The following ZC3H7A variants were observed in gnomAD, a reference collection of about 807,000 sequenced individuals.
The protein encoded by ZC3H7A is zinc finger CCCH-type containing 7A, also known as zinc finger CCCH domain-containing protein 7A.
Under a neutral mutation model 125.5 loss-of-function variants are expected in ZC3H7A, and 44 were observed. That is an observed-to-expected ratio of 0.35 (90% CI 0.28 to 0.45). ZC3H7A has a LOEUF of 0.45. Ranked by LOEUF, ZC3H7A falls within the 20% of genes least tolerant of loss-of-function variation. The probability of loss-of-function intolerance (pLI) is 1.00; values close to 1 mark genes in which losing one functional copy is unlikely to be tolerated. For synonymous variants in ZC3H7A, 399 were observed against 391.2 expected, an observed-to-expected ratio of 1.02 and a Z score of -0.23; for missense variants, 977 against 1,170.7, an observed-to-expected ratio of 0.83 and a Z score of 2.41.
intron 20 of ZC3H7A, among the ~76,000 whole-genome samples, chr16:11,757,330 A>G (rs1476522827): frequency 6.6e-6 from 1 of 151,728 alleles, no homozygotes; most frequent in Non-Finnish European, 1.5e-5. Flanking sequence ...TAAAAATACA[A>G]AAAATTAGCC....
chr16:11,796,866 G>C (rs1273486906), intron 1 of ZC3H7A: 1 of 151,276 alleles, frequency 6.6e-6, no homozygotes, highest in African/African-American at 2.4e-5. Context: ...GGGAATGGCA[G>C]GCAGAAGTGG....
In ZC3H7A at chr16:11,786,342, G is replaced by A. The variant is rs112589086; in HGVS notation, c.-34-3954C>T. ...AGAAAAGGATGTCTGAAACCAGGAC[G>A]ATGGCCACACAGTTCAGTGAATGAT... On this transcript the variant is annotated intron_variant, in intron 1 of 22. Transcript: ENST00000355758. 3.5e-3 allele frequency among the ~76,000 whole-genome samples: 526 copies of A among 152,314 alleles called. 1 individual carries two copies. Among genetic ancestry groups the A allele is most frequent in the African/African-American group, 9.0e-3 (376 of 41,570 alleles).
intron 15 of ZC3H7A, among the ~76,000 whole-genome samples, chr16:11,764,007 G>A (rs2141174750): frequency 6.6e-6 from 1 of 151,502 alleles, no homozygotes; most frequent in South Asian, 2.1e-4. Context: ...TGTTAGCCAG[G>A]ATGGTCTCAA....
In ZC3H7A at chr16:11,773,876, C is replaced by T. The variant is rs139398292; in HGVS notation, c.903+360G>A. On this transcript the variant is annotated intron_variant, in intron 9 of 22. Coordinates refer to ENST00000355758, the MANE Select transcript of ZC3H7A (RefSeq NM_014153.4). ...CCAGCCTGGGCAACAGAGCAAGACT[C>T]CGTCTCAAAAAAAAATAAATAAATA... Among the ~76,000 whole-genome samples, 381 of 151,866 alleles carry T rather than the reference C, an allele frequency of 2.5e-3. 3 individuals carry two copies. Among genetic ancestry groups the T allele is most frequent in the African/African-American group, 8.6e-3 (355 of 41,422 alleles).
intron 21 of ZC3H7A, among the ~76,000 whole-genome samples, chr16:11,755,351 G>A (rs1277934986): frequency 6.6e-6 from 1 of 152,050 alleles, no homozygotes; most frequent in African/African-American, 2.4e-5. Flanking sequence ...TTTATAATAG[G>A]AACTACAACA....
chr16:11,776,468 G>T lies in ZC3H7A; in HGVS notation c.530C>A (p.Ala177Glu). 6.2e-7 allele frequency: 1 copy of T among 1,611,286 alleles called. No homozygotes were observed. The highest frequency in any genetic ancestry group is 8.5e-7 in the Non-Finnish European group (1 of 1,179,242). ...CCAGCTTACCTCAGCTCTGACATAC[G>T]CTTTTCTTATTTTAAATCCCAATTT... ...AQKLGFKIRKAYVRAELSLKS... is the reference protein window; with the variant it reads ...AQKLGFKIRKEYVRAELSLKS... The change falls in exon 6 of 23, where the codon GCG becomes GAG. Residue 177 changes from alanine (A) to glutamate (E), a missense_variant. Physicochemically the swap from Ala to Glu is moderately radical, Grantham distance 107 (BLOSUM62 -1). Around this residue, in one of 3 missense-constraint regions of ZC3H7A, gnomAD observed 199 missense variants for 256.1 expected, o/e 0.78. Transcript: ENST00000355758.
At chr16:11,788,669 A>G in intron 1 of ZC3H7A, among the ~76,000 whole-genome samples, 1 of 140,734 alleles carries the variant, frequency 7.1e-6, no homozygotes, top group Non-Finnish European at 1.5e-5. Flanking sequence ...GCTGGAGTGT[A>G]GTGGCGTGAT....
chr16:11,773,492 TAC>T (rs1362721232), intron 9 of ZC3H7A, among the ~76,000 whole-genome samples: 1 of 151,932 alleles, frequency 6.6e-6, no homozygotes, highest in African/African-American at 2.4e-5. Flanking sequence ...TTGCAAGCCA[TAC>T]AAAAACAGGT....
chr16:11,780,505 CTAAGCTGATTAAATTATT>C (rs1269311529), intron 3 of ZC3H7A, among the ~76,000 whole-genome samples: 1 of 152,124 alleles, frequency 6.6e-6, no homozygotes, highest in Non-Finnish European at 1.5e-5. Context: ...GAATTCCTGT[CTAAGCTGATTAAATTATT>C]TTAGCTGATT....
chr16:11,785,011 AGCCGG>A (rs1198166676), intron 1 of ZC3H7A, among the ~76,000 whole-genome samples: 1 of 151,714 alleles, frequency 6.6e-6, no homozygotes, highest in Non-Finnish European at 1.5e-5. Context: ...ATACAGAATT[AGCCGG>A]GCGTGGTGGC....
intron 20 of ZC3H7A, 57 bp from the exon 21 acceptor site, chr16:11,756,427 C>T: frequency 1.3e-6 from 2 of 1,582,214 alleles, no homozygotes; most frequent in African/African-American, 1.4e-5. Context: ...TAAATACATG[C>T]AACTATGTGC....
At chr16:11,776,032 G>T (rs972410077) in intron 7 of ZC3H7A, among the ~76,000 whole-genome samples, 3 of 152,144 alleles carry the variant, frequency 2.0e-5, no homozygotes, top group African/African-American at 7.2e-5. Flanking sequence ...ATGGTGGTGT[G>T]TGCCTGTGGT....
chr16:11,774,359 C>T lies in ZC3H7A; in HGVS notation c.780G>A (p.Leu260=), dbSNP rs759352724. The part of the protein sequence containing the change: ...VEESALPSAV[L]ANGGKMPFTM... Reference sequence around the variant, plus strand: ...TGAAGGGCATCTTTCCTCCATTTGCCAGCACTGCAGATGGCAGAGCGCTCT... The same window carrying T: ...TGAAGGGCATCTTTCCTCCATTTGCTAGCACTGCAGATGGCAGAGCGCTCT... Residue 260 remains leucine, a synonymous_variant, in exon 9 of 23, where the codon CTG becomes CTA. Coordinates refer to ENST00000355758, the MANE Select transcript of ZC3H7A (RefSeq NM_014153.4). 3 of 1,613,838 alleles carry T rather than the reference C, an allele frequency of 1.9e-6. No homozygotes were observed. In the African/African-American group the frequency reaches 4.0e-5, roughly 22 times the overall value.
intron 1 of ZC3H7A, among the ~76,000 whole-genome samples, chr16:11,784,969 G>A (rs1416117860): frequency 1.3e-5 from 2 of 151,806 alleles, no homozygotes; most frequent in African/African-American, 4.8e-5. Context: ...GACCAGCCTG[G>A]CCAACATGGG....
At chr16:11,789,853 G>A (rs979858936) in intron 1 of ZC3H7A, among the ~76,000 whole-genome samples, 1 of 151,940 alleles carries the variant, frequency 6.6e-6, no homozygotes, top group African/African-American at 2.4e-5. Context: ...GGCCGAGGCA[G>A]GCAGATCACT....
At chr16:11,767,349 T>C in intron 13 of ZC3H7A, 68 bp downstream of exon 13, 1 of 1,228,722 alleles carries the variant, frequency 8.1e-7, no homozygotes, top group Non-Finnish European at 1.1e-6. Context: ...TATCCTGTCA[T>C]TAAGCTAAGC....
chr16:11,765,164 G>A lies in ZC3H7A; in HGVS notation c.1720-11C>T, dbSNP rs371510295. ...ATGATCAAAACATTTCTGGAATAGA[G>A]AGAGAAAGATTATCAAAAAAAATAC... On this transcript the variant is annotated splice_polypyrimidine_tract_variant and intron_variant, in intron 14 of 22. Transcript: ENST00000355758. The surrounding 1 kb of genome is among the most constrained non-coding windows in gnomAD (Gnocchi z 4.8). 21 of 1,464,414 alleles carry A rather than the reference G, an allele frequency of 1.4e-5. No individual in the cohort carries two copies. The highest frequency in any genetic ancestry group is 4.7e-5 in the Admixed American group (2 of 42,960). 90.7% of individuals were successfully genotyped at this position (1,464,414 alleles called of 1,614,324 possible). A position where few individuals can be genotyped will look rare whatever the true frequency, so the allele number is the denominator to read the frequency against.
rs1567381070 is a variant in ZC3H7A at position 11,769,076 on chromosome 16, A to G, written c.1128T>C (p.Ser376=). Residue 376 remains serine (S), a synonymous_variant, in exon 11 of 23, where the codon TCT becomes TCC. Transcript: ENST00000355758. ...ESKRDLSTST[S]REGTPLNNSN... ...TGTTGTTAAGCGGTGTTCCCTCTCT[A>G]GAAGTTGAGGTGGACAGATCTAAAA... 3.1e-6 allele frequency: 5 copies of G among 1,610,034 alleles called. No homozygotes were observed. The highest frequency in any genetic ancestry group is 4.2e-6 in the Non-Finnish European group (5 of 1,178,496).
At chr16:11,795,501 A>G (rs140965518) in intron 1 of ZC3H7A, among the ~76,000 whole-genome samples, 2,161 of 152,346 alleles carry the variant, frequency 0.014, 61 homozygotes, top group African/African-American at 0.05. Flanking sequence ...CAGTGGCACA[A>G]TCTCGGCTCA....
Sources: allele counts gnomAD v4.1 joint callset (sites outside exome capture counted in the v4.1 genomes callset), GRCh38; gene constraint gnomAD v4.1.1; regional missense constraint gnomAD v4.1.1; non-coding constraint Gnocchi (gnomAD v3.1); transcripts MANE v1.5; gene names NCBI Gene and HGNC (gene_info 2026-07-23, HGNC 2026-07-21).